The following ZNF674 variants were observed in gnomAD, a reference collection of about 807,000 sequenced individuals.
ZNF674 encodes the protein zinc finger protein 674, also known as zinc finger family member 674.
A neutral mutation model predicts 7.0 loss-of-function variants in ZNF674; 2 were observed. The observed-to-expected ratio is 0.29, with a 90% CI of 0.12 to 0.90. ZNF674 has a LOEUF of 0.90. Ranked by LOEUF, ZNF674 falls within the 40% of genes least tolerant of loss-of-function variation. The pLI, the probability that ZNF674 is intolerant of heterozygous loss-of-function variation, is 0.57. For missense variants in ZNF674, 297 were observed against 415.5 expected, an observed-to-expected ratio of 0.71 and a Z score of 2.48; for synonymous variants, 103 against 145.2, an observed-to-expected ratio of 0.71 and a Z score of 2.09.
At chrX:46,519,446 A>G in intron 5 of ZNF674, among the ~76,000 whole-genome samples, 1 of 107,480 alleles carries the variant, frequency 9.3e-6, no homozygotes, top group African/African-American at 3.4e-5. Context: ...CGTCTCTACT[A>G]AAAATACAAA....
In ZNF674 at chrX:46,501,304, G is replaced by GTGA; in HGVS notation, c.267_269dup (p.His90dup). The GTGA allele has an allele frequency of 8.3e-7, 1 of 1,208,766 alleles. No homozygotes were observed. The highest frequency in any genetic ancestry group is 1.1e-6 in the Non-Finnish European group (1 of 894,531). ...GAAATTTGTCTTGGCTTTCCTTGTA[G>GTGA]TGATCTATCTGCTCGTCAACTTCCC... On this transcript the variant is annotated inframe_insertion, in exon 6 of 6. Transcript: ENST00000683375.
intron 3 of ZNF674, among the ~76,000 whole-genome samples, chrX:46,531,162 C>T (rs1285710327): frequency 4.4e-5 from 5 of 112,911 alleles, no homozygotes; most frequent in Non-Finnish European, 7.5e-5. Context: ...CTTGGTGGTT[C>T]CCGGATGGTA....
At chrX:46,534,174 C>A (rs767137994) in intron 3 of ZNF674, among the ~76,000 whole-genome samples, 2 of 109,798 alleles carry the variant, frequency 1.8e-5, no homozygotes, top group Admixed American at 9.9e-5. Context: ...TGGGGGAAAC[C>A]GCCCCCATGA....
At chrX:46,519,280 T>C (rs943808397) in intron 5 of ZNF674, among the ~76,000 whole-genome samples, 4 of 95,165 alleles carry the variant, frequency 4.2e-5, no homozygotes, top group African/African-American at 1.6e-4. Flanking sequence ...AGATGATAGA[T>C]AGATAGATAG....
chrX:46,520,359 A>G (rs1485702036), intron 5 of ZNF674, among the ~76,000 whole-genome samples: 1 of 111,311 alleles, frequency 9.0e-6, no homozygotes, highest in Non-Finnish European at 1.9e-5. Context: ...AGATCGCACC[A>G]TTGCACTCCA....
intron 3 of ZNF674, among the ~76,000 whole-genome samples, chrX:46,533,869 T>C (rs1227678013): frequency 1.7e-5 from 1 of 58,443 alleles, no homozygotes; most frequent in Non-Finnish European, 3.2e-5. Flanking sequence ...CACACACACA[T>C]AAAATCTATG....
At position 46,517,252 on chromosome X, in the gene ZNF674, A is replaced by G. The variant is rs62593969; in HGVS notation, c.238+11098T>C. Among the ~76,000 whole-genome samples, 1,010 of 110,593 alleles carry G rather than the reference A, an allele frequency of 9.1e-3. 6 individuals carry two copies. Among genetic ancestry groups the G allele is most frequent in the South Asian group, 0.02 (52 of 2,636 alleles). The stretch of plus-strand genomic sequence containing the variant: ...AAACACCTGAAATGAATGGATAAAT[A>G]GAAGTTCTCAACAGAGAAACAGAAA... On this transcript the variant is annotated intron_variant, in intron 5 of 5. Coordinates refer to ENST00000683375, the MANE Select transcript of ZNF674 (RefSeq NM_001190417.2).
intron 5 of ZNF674, among the ~76,000 whole-genome samples, chrX:46,524,042 CAAAA>C (rs112490275): frequency 1.4e-5 from 1 of 70,497 alleles, no homozygotes. Flanking sequence ...AACTCCATCT[CAAAA>C]AAAAAAAAAA....
At chrX:46,513,301 AG>A (rs1280808235) in intron 5 of ZNF674, among the ~76,000 whole-genome samples, 1 of 112,338 alleles carries the variant, frequency 8.9e-6, no homozygotes, top group Non-Finnish European at 1.9e-5. Context: ...GAATATGAAC[AG>A]GTAAGCCACA....
chrX:46,522,314 G>A (rs191305228), intron 5 of ZNF674, among the ~76,000 whole-genome samples: 85 of 109,964 alleles, frequency 7.7e-4, no homozygotes, highest in African/African-American at 2.5e-3. Context: ...TAAAATAATG[G>A]CAGTATTATC....
intron 3 of ZNF674, among the ~76,000 whole-genome samples, chrX:46,535,929 T>C (rs1403882562): frequency 1.8e-5 from 2 of 112,038 alleles, no homozygotes; most frequent in Non-Finnish European, 3.8e-5. Context: ...ACATATATGC[T>C]CATTAAATAA....
At position 46,501,154 on chromosome X, in the gene ZNF674, T is replaced by C; in HGVS notation, c.420A>G (p.Lys140=). The C allele has an allele frequency of 8.3e-7, 1 of 1,208,459 alleles. No homozygotes were observed. Among genetic ancestry groups the C allele is most frequent in the Non-Finnish European group, 1.1e-6 (1 of 893,524 alleles). ...TTGAACACCTTTCCCATGAATAATA[T>C]TTAGGGAGTCTTTGTTTTACAGAAA... ...DFVSVKQRLP[K]YYSWERCSKH... is the part of the protein sequence containing the mutation. The change falls in exon 6 of 6, where the codon AAA becomes AAG. Residue 140 remains lysine, a synonymous_variant. Transcript: ENST00000683375.
At chrX:46,504,241 C>T (rs150103395) in intron 5 of ZNF674, among the ~76,000 whole-genome samples, 5 of 111,696 alleles carry the variant, frequency 4.5e-5, no homozygotes, top group African/African-American at 1.3e-4. Context: ...CTCATATTTC[C>T]GCTAGCACAG....
intron 3 of ZNF674, among the ~76,000 whole-genome samples, chrX:46,537,425 C>A (rs1264879528): frequency 9.0e-6 from 1 of 111,252 alleles, no homozygotes; most frequent in Non-Finnish European, 1.9e-5. Context: ...CAAAAAAATT[C>A]TGAAAGGCAA....
chrX:46,506,024 T>C (rs1304550196), intron 5 of ZNF674, among the ~76,000 whole-genome samples: 2 of 111,686 alleles, frequency 1.8e-5, no homozygotes, highest in Non-Finnish European at 3.8e-5. Flanking sequence ...TAAAGGACAC[T>C]CTATGGTAAC....
chrX:46,503,383 G>A (rs986494626), intron 5 of ZNF674, among the ~76,000 whole-genome samples: 1 of 111,713 alleles, frequency 9.0e-6, no homozygotes, highest in African/African-American at 3.2e-5. Context: ...CAGTAATTCA[G>A]AAAGATAATG....
intron 3 of ZNF674, among the ~76,000 whole-genome samples, chrX:46,534,110 A>G (rs1294723879): frequency 9.2e-6 from 1 of 108,399 alleles, no homozygotes; most frequent in Non-Finnish European, 1.9e-5. Context: ...AAATGCCAGA[A>G]GCTTATAAAA....
intron 5 of ZNF674, among the ~76,000 whole-genome samples, chrX:46,509,896 C>A (rs1368156124): frequency 9.1e-6 from 1 of 110,471 alleles, no homozygotes; most frequent in Non-Finnish European, 1.9e-5. Context: ...ACGCAAATGT[C>A]CAACAACGAT....
At chrX:46,523,961 C>T (rs1261142093) in intron 5 of ZNF674, among the ~76,000 whole-genome samples, 1 of 108,441 alleles carries the variant, frequency 9.2e-6, no homozygotes, top group African/African-American at 3.4e-5. Context: ...GAGAATTGCT[C>T]GAACCAAGAG....
Sources: gnomAD v4.1 joint callset for allele counts (sites outside exome capture counted in the v4.1 genomes callset) on GRCh38, gnomAD v4.1.1 for gene constraint, MANE v1.5 for transcripts, NCBI Gene and HGNC (gene_info 2026-07-23, HGNC 2026-07-21) for gene names.